The following FBH1 variants were observed in gnomAD, a reference collection of about 807,000 sequenced individuals.
FBH1 encodes F-box DNA helicase 1.
In FBH1, 43 loss-of-function variants were observed where a neutral mutation model predicts 115.5. The ratio of observed to expected loss-of-function variants is 0.37; its 90% confidence interval spans 0.29 to 0.48. FBH1 has a LOEUF of 0.48. FBH1 is among the 20% of genes least tolerant of loss of function. FBH1 has a pLI of 0.99. For synonymous variants in FBH1, 524 were observed against 507.8 expected (o/e 1.03, Z -0.43); for missense variants, 1,001 against 1,337.3 (o/e 0.75, Z 3.92).
chr10:5,915,824 A>G lies in FBH1; in HGVS notation c.1565+253A>G, dbSNP rs765033643. On this transcript the variant is annotated intron_variant, in intron 9 of 20. Coordinates refer to ENST00000362091, the MANE Select transcript of FBH1 (RefSeq NM_178150.3). The surrounding 1 kb of genome is among the most constrained non-coding windows in gnomAD (Gnocchi z 5.2). The stretch of plus-strand genomic sequence containing the variant: ...CATGGAAGTGAGGCACAGAAAGTCA[A>G]AATGACTTGCTTAAAGTTCAGAGTC... 20 of 522,138 alleles carry G rather than the reference A, an allele frequency of 3.8e-5. No homozygotes were observed. The highest frequency in any genetic ancestry group is 6.5e-5 in the Non-Finnish European group (19 of 291,774). The allele number at this position is 522,138 out of a possible 1,614,324, so 32.3% of individuals were successfully genotyped here.
Position 5,923,774 on chromosome 10 carries a change from G to C in FBH1, c.2398+78G>C. ...GACGAGAAAGAAGCAGGCCCAGTCT[G>C]AGTCAGGGACCCGTTTCCCTCCAGA... On this transcript the variant is annotated intron_variant, in intron 16 of 20. Transcript: ENST00000362091. This position sits in a 1 kb window ranked among gnomAD's most constrained non-coding sequence, Gnocchi z 5.7. The C allele has an allele frequency of 1.5e-6, 2 of 1,351,464 alleles. No individual in the cohort carries two copies. The highest frequency in any genetic ancestry group is 2.4e-5 in the South Asian group (2 of 81,942). The allele number at this position is 1,351,464 out of a possible 1,614,324, so 83.7% of individuals were successfully genotyped here.
At position 5,918,630 on chromosome 10, in the gene FBH1, C is replaced by A; in HGVS notation, c.2100+152C>A. 1 of 1,017,912 alleles carries A rather than the reference C, an allele frequency of 9.8e-7. No individual in the cohort carries two copies. The highest frequency in any genetic ancestry group is 1.3e-6 in the Non-Finnish European group (1 of 742,816). 63.1% of individuals were successfully genotyped at this position (1,017,912 alleles called of 1,614,324 possible). A position where few individuals can be genotyped will look rare whatever the true frequency, so the allele number is the denominator to read the frequency against. On this transcript the variant is annotated intron_variant, in intron 13 of 20. Coordinates refer to ENST00000362091, the MANE Select transcript of FBH1 (RefSeq NM_178150.3). This position sits in a 1 kb window ranked among gnomAD's most constrained non-coding sequence, Gnocchi z 4.0. Reference sequence around the variant, plus strand: ...CAAAGTGTGGTTCTCAGGGGTCTGCCAAGTCACACTGTTTTCATAAGAGGT... The same window carrying A: ...CAAAGTGTGGTTCTCAGGGGTCTGCAAAGTCACACTGTTTTCATAAGAGGT...
In FBH1 at chr10:5,914,473, C is replaced by T. The variant is rs536730380; in HGVS notation, c.1396+204C>T. 6.6e-6 allele frequency among the ~76,000 whole-genome samples: 1 copy of T among 152,342 alleles called. No individual in the cohort carries two copies. Among genetic ancestry groups the T allele is most frequent in the Admixed American group, 6.5e-5 (1 of 15,304 alleles). ...CCACTCCATGAACATCCACAGAATT[C>T]CTGTTGAGACAGGTAGTTCACAGCA... On this transcript the variant is annotated intron_variant, in intron 8 of 20. Coordinates refer to ENST00000362091, the MANE Select transcript of FBH1 (RefSeq NM_178150.3). This position sits in a 1 kb window ranked among gnomAD's most constrained non-coding sequence, Gnocchi z 5.2.
chr10:5,923,840 G>A lies in FBH1; in HGVS notation c.2398+144G>A. 1 of 699,506 alleles carries A rather than the reference G, an allele frequency of 1.4e-6. No individual in the cohort carries two copies. The highest frequency in any genetic ancestry group is 2.4e-6 in the Non-Finnish European group (1 of 421,902). The allele number at this position is 699,506 out of a possible 1,614,324, so 43.3% of individuals were successfully genotyped here. A position where few individuals can be genotyped will look rare whatever the true frequency, so the allele number is the denominator to read the frequency against. On this transcript the variant is annotated intron_variant, in intron 16 of 20. Transcript: ENST00000362091. This position sits in a 1 kb window ranked among gnomAD's most constrained non-coding sequence, Gnocchi z 5.7. ...GTTGCTGTCTTCCCATGACGAGGGGGGTGCCTCGGGCCTCCTGTTTTCATA... is the reference window on the plus strand; with the variant it reads ...GTTGCTGTCTTCCCATGACGAGGGGAGTGCCTCGGGCCTCCTGTTTTCATA...
intron 15 of FBH1, among the ~76,000 whole-genome samples, chr10:5,922,447 A>G (rs373228200): frequency 7.4e-4 from 112 of 152,294 alleles, no homozygotes; most frequent in African/African-American, 2.6e-3. Context: ...ACCTTATAAT[A>G]TTTGGTCTGG....
In FBH1 at chr10:5,923,584, A is replaced by G. The variant is rs1832436818; in HGVS notation, c.2323-37A>G. 2 of 1,561,234 alleles carry G rather than the reference A, an allele frequency of 1.3e-6. No individual in the cohort carries two copies. The highest frequency in any genetic ancestry group is 1.8e-6 in the Non-Finnish European group (2 of 1,139,426). ...AACAAACAAAACAAAACAAAAAACA[A>G]CAAAAAAACAAAAATCCCACCAAAA... is the stretch of plus-strand genomic sequence containing the variant. On this transcript the variant is annotated intron_variant, in intron 15 of 20. Transcript: ENST00000362091. This position sits in a 1 kb window ranked among gnomAD's most constrained non-coding sequence, Gnocchi z 5.7.
Position 5,937,416 on chromosome 10 carries a change from C to T in FBH1, c.*136C>T. On this transcript the variant is annotated 3_prime_UTR_variant, in exon 21 of 21. Coordinates refer to ENST00000362091, the MANE Select transcript of FBH1 (RefSeq NM_178150.3). ...CTTTCTGAGGAAGAGGACACCAGCC[C>T]AAGCTGGACCTGCCATTTCTCCACT... The T allele has an allele frequency of 3.3e-6, 3 of 916,696 alleles. No individual in the cohort carries two copies. In the South Asian group the frequency reaches 8.3e-5, roughly 25 times the overall value. The allele number at this position is 916,696 out of a possible 1,614,324, so 56.8% of individuals were successfully genotyped here. A position where few individuals can be genotyped will look rare whatever the true frequency, so the allele number is the denominator to read the frequency against.
chr10:5,903,297 C>A, intron 2 of FBH1, 122 bp downstream of exon 2: 1 of 634,172 alleles, frequency 1.6e-6, no homozygotes, highest in African/African-American at 1.9e-5. Flanking sequence ...CATGCAATAG[C>A]TTGACACTTT....
chr10:5,932,255 T>G lies in FBH1; in HGVS notation c.2830-4201T>G, dbSNP rs1283914959. Reference sequence around the variant, plus strand: ...GTAGTTATTTTAAACAATTAGCGATTAATCCTTCAGTATTTCTTTATGCAA... The same window carrying G: ...GTAGTTATTTTAAACAATTAGCGATGAATCCTTCAGTATTTCTTTATGCAA... On this transcript the variant is annotated intron_variant, in intron 19 of 20. Coordinates refer to ENST00000362091, the MANE Select transcript of FBH1 (RefSeq NM_178150.3). This position sits in a 1 kb window ranked among gnomAD's most constrained non-coding sequence, Gnocchi z 5.9. 6.6e-6 allele frequency among the ~76,000 whole-genome samples: 1 copy of G among 152,266 alleles called. No homozygotes were observed. Among genetic ancestry groups the G allele is most frequent in the Non-Finnish European group, 1.5e-5 (1 of 68,048 alleles).
chr10:5,911,192 G>A lies in FBH1; in HGVS notation c.1211+64G>A. 3 of 1,498,422 alleles carry A rather than the reference G, an allele frequency of 2.0e-6. No individual in the cohort carries two copies. The highest frequency in any genetic ancestry group is 2.7e-6 in the Non-Finnish European group (3 of 1,103,952). 92.8% of individuals were successfully genotyped at this position (1,498,422 alleles called of 1,614,324 possible). A position where few individuals can be genotyped will look rare whatever the true frequency, so the allele number is the denominator to read the frequency against. Reference sequence around the variant, plus strand: ...TGGGAGAGTCCCAGACACAGCAGCAGGTCCAGCCCTGCCACTTAGCAGTGT... The same window carrying A: ...TGGGAGAGTCCCAGACACAGCAGCAAGTCCAGCCCTGCCACTTAGCAGTGT... On this transcript the variant is annotated intron_variant, in intron 6 of 20. Transcript: ENST00000362091. This position sits in a 1 kb window ranked among gnomAD's most constrained non-coding sequence, Gnocchi z 5.4.
chr10:5,918,421 G>A lies in FBH1; in HGVS notation c.2043G>A (p.Arg681=). The change falls in exon 13 of 21, where the codon CGG becomes CGA. Residue 681 remains arginine (R), a synonymous_variant. Transcript: ENST00000362091. The surrounding 1 kb of genome is among the most constrained non-coding windows in gnomAD (Gnocchi z 4.0). ...CGCACCAGCAGATCTATACCTTCCG[G>A]GGTGCGGTCAACGCCCTGTTCACAG... ...GDPHQQIYTF[R]GAVNALFTVP... The A allele has an allele frequency of 6.2e-7, 1 of 1,612,688 alleles. No individual in the cohort carries two copies. Among genetic ancestry groups the A allele is most frequent in the Non-Finnish European group, 8.5e-7 (1 of 1,179,644 alleles).
In FBH1 at chr10:5,932,475, T is replaced by C. The variant is rs1833021097; in HGVS notation, c.2830-3981T>C. ...ACCCAAATTAGGAAATCCCTCTTTA[T>C]CAGCTCACAGAGCTCTCTCGCCTCT... On this transcript the variant is annotated intron_variant, in intron 19 of 20. Coordinates refer to ENST00000362091, the MANE Select transcript of FBH1 (RefSeq NM_178150.3). This position sits in a 1 kb window ranked among gnomAD's most constrained non-coding sequence, Gnocchi z 5.9. Among the ~76,000 whole-genome samples, 1 of 152,184 alleles carries C rather than the reference T, an allele frequency of 6.6e-6. No homozygotes were observed. Among genetic ancestry groups the C allele is most frequent in the Non-Finnish European group, 1.5e-5 (1 of 68,024 alleles).
chr10:5,890,426 G>A (rs781526734), intron 1 of FBH1, 80 bp downstream of exon 1: 2 of 351,966 alleles, frequency 5.7e-6, no homozygotes, highest in East Asian at 4.4e-5. Flanking sequence ...GGTCCTGCGC[G>A]GGGGGTCCGG....
At chr10:5,902,012 T>C (rs1334948983) in intron 1 of FBH1, among the ~76,000 whole-genome samples, 4 of 152,226 alleles carry the variant, frequency 2.6e-5, no homozygotes, top group Non-Finnish European at 1.5e-5. Context: ...AGATGAGTAA[T>C]ACAAAACCAA....
At chr10:5,893,955 A>C in intron 1 of FBH1, 1 of 981,042 alleles carries the variant, frequency 1.0e-6, no homozygotes, top group Non-Finnish European at 1.2e-6. Context: ...CTTGTTTTTC[A>C]AACATTCCTT....
In FBH1 at chr10:5,914,416, G is replaced by A. The variant is rs1288917243; in HGVS notation, c.1396+147G>A. The stretch of plus-strand genomic sequence containing the variant: ...ACAGATCAAATAATCAATCTCAAAA[G>A]CAATTGGCCAAGGAATACTTACTTC... On this transcript the variant is annotated intron_variant, in intron 8 of 20. Coordinates refer to ENST00000362091, the MANE Select transcript of FBH1 (RefSeq NM_178150.3). The surrounding 1 kb of genome is among the most constrained non-coding windows in gnomAD (Gnocchi z 5.2). 9 of 710,746 alleles carry A rather than the reference G, an allele frequency of 1.3e-5. No individual in the cohort carries two copies. Among genetic ancestry groups the A allele is most frequent in the Admixed American group, 2.6e-5 (1 of 38,188 alleles). The allele number at this position is 710,746 out of a possible 1,614,324, so 44.0% of individuals were successfully genotyped here.
rs753739636 is a variant in FBH1, at chr10:5,937,095, T to C, written c.2962-15T>C. On this transcript the variant is annotated splice_polypyrimidine_tract_variant and intron_variant, in intron 20 of 20. Coordinates refer to ENST00000362091, the MANE Select transcript of FBH1 (RefSeq NM_178150.3). ...GGTTGTTCCCCTTAGCTCTCTCTCTTGTCCATCACCACAGAGCAACAGGAA... is the reference window on the plus strand; with the variant it reads ...GGTTGTTCCCCTTAGCTCTCTCTCTCGTCCATCACCACAGAGCAACAGGAA... 3.5e-5 allele frequency: 56 copies of C among 1,581,950 alleles called. 1 individual carries two copies. The highest frequency in any genetic ancestry group is 4.6e-5 in the Non-Finnish European group (53 of 1,162,606).
At position 5,931,831 on chromosome 10, in the gene FBH1, C is replaced by T. The variant is rs1357772749; in HGVS notation, c.2829+4290C>T. Among the ~76,000 whole-genome samples the T allele has an allele frequency of 2.6e-5, 4 of 152,240 alleles. No homozygotes were observed. Among genetic ancestry groups the T allele is most frequent in the South Asian group, 2.1e-4 (1 of 4,820 alleles). ...TAATGATCTTTCTTGATGTGTAAGG[C>T]CTGTTAATGTTTTCAAAGTCAAAAC... On this transcript the variant is annotated intron_variant, in intron 19 of 20. Transcript: ENST00000362091. The surrounding 1 kb of genome is among the most constrained non-coding windows in gnomAD (Gnocchi z 4.3).
In FBH1 at chr10:5,924,871, T is replaced by C. The variant is rs1232726640; in HGVS notation, c.2596+363T>C. On this transcript the variant is annotated intron_variant, in intron 17 of 20. Coordinates refer to ENST00000362091, the MANE Select transcript of FBH1 (RefSeq NM_178150.3). This position sits in a 1 kb window ranked among gnomAD's most constrained non-coding sequence, Gnocchi z 6.2. Reference sequence around the variant, plus strand: ...GTGAGCCACTGCGCCCAGCCTCTTCTGCTGTTTCTTCCCTGTGTGGAATAT... The same window carrying C: ...GTGAGCCACTGCGCCCAGCCTCTTCCGCTGTTTCTTCCCTGTGTGGAATAT... The C allele has an allele frequency of 1.0e-5, 4 of 396,126 alleles. No individual in the cohort carries two copies. The East Asian group carries it at 2.8e-4, about 27-fold the overall frequency. 24.5% of individuals were successfully genotyped at this position (396,126 alleles called of 1,614,324 possible). A position where few individuals can be genotyped will look rare whatever the true frequency, so the allele number is the denominator to read the frequency against.
Sources: allele counts gnomAD v4.1 joint callset (sites outside exome capture counted in the v4.1 genomes callset), GRCh38; gene constraint gnomAD v4.1.1; non-coding constraint Gnocchi (gnomAD v3.1); transcripts MANE v1.5; gene names NCBI Gene and HGNC (gene_info 2026-07-23, HGNC 2026-07-21).